CTNNA3: variants seen among roughly 807,000 people sequenced by gnomAD.
CTNNA3 encodes the protein catenin alpha 3, also known as catenin alpha-3.
In CTNNA3, 76 loss-of-function variants were observed where a neutral mutation model predicts 95.7. That is an observed-to-expected ratio of 0.79 (90% CI 0.66 to 0.96). The LOEUF (loss-of-function observed/expected upper bound fraction) is 0.96, where lower values mean the gene tolerates loss of function less well. Among genes scored for constraint, CTNNA3 ranks in the 40% least tolerant of loss-of-function variants. The pLI is 0.00. For synonymous variants in CTNNA3, 431 were observed against 374.4 expected (o/e 1.15, Z -1.74); for missense variants, 1,191 against 1,089.8 (o/e 1.09, Z -1.31).
At chr10:67,448,800 T>G (rs1367993722) in intron 5 of CTNNA3, among the ~76,000 whole-genome samples, 1 of 149,260 alleles carries the variant, frequency 6.7e-6, no homozygotes, top group African/African-American at 2.4e-5. Flanking sequence ...GATAAAAAAT[T>G]ACTATTTATT....
intron 7 of CTNNA3, among the ~76,000 whole-genome samples, chr10:67,123,738 A>G (rs1423043735): frequency 6.6e-6 from 1 of 152,202 alleles, no homozygotes; most frequent in Admixed American, 6.6e-5. Context: ...AAGATCTTCA[A>G]TGTCAAAGAA....
chr10:67,421,085 G>A (rs575124533), intron 5 of CTNNA3, among the ~76,000 whole-genome samples: 87 of 152,056 alleles, frequency 5.7e-4, no homozygotes, highest in Non-Finnish European at 1.1e-3. Flanking sequence ...TAAAGTCTAG[G>A]GAACAGGAAA....
intron 5 of CTNNA3, among the ~76,000 whole-genome samples, chr10:67,262,239 A>G (rs1263921924): frequency 6.6e-6 from 1 of 152,182 alleles, no homozygotes. Context: ...AGTTCCCACA[A>G]TAAATAATAA....
chr10:67,046,578 G>A (rs1338113713), intron 7 of CTNNA3, among the ~76,000 whole-genome samples: 1 of 151,994 alleles, frequency 6.6e-6, no homozygotes, highest in Non-Finnish European at 1.5e-5. Context: ...ATCAATTATT[G>A]ACATTTTATA....
At chr10:65,922,765 A>C (rs1289195457) in intron 17 of CTNNA3, among the ~76,000 whole-genome samples, 1 of 152,166 alleles carries the variant, frequency 6.6e-6, no homozygotes, top group African/African-American at 2.4e-5. Flanking sequence ...TTAAAGTTGT[A>C]TTCGTTCATT....
chr10:66,121,467 T>C (rs920304630), intron 13 of CTNNA3, among the ~76,000 whole-genome samples: 18 of 151,208 alleles, frequency 1.2e-4, no homozygotes, highest in African/African-American at 3.6e-4. Context: ...ACAACATACA[T>C]ACACACACAC....
At chr10:67,608,847 C>A (rs1843361153) in intron 2 of CTNNA3, among the ~76,000 whole-genome samples, 1 of 152,008 alleles carries the variant, frequency 6.6e-6, no homozygotes, top group Non-Finnish European at 1.5e-5. Flanking sequence ...TCCTAGCACT[C>A]TGGGAGGCCG....
intron 7 of CTNNA3, among the ~76,000 whole-genome samples, chr10:66,939,731 TG>T (rs1847896624): frequency 6.6e-6 from 1 of 152,218 alleles, no homozygotes; most frequent in Admixed American, 6.5e-5. Flanking sequence ...GATTCTTTTT[TG>T]GAACATACGT....
rs1432106753 is a variant in CTNNA3, at chr10:66,740,410, A to G, written c.1281+25854T>C. Among the ~76,000 whole-genome samples the G allele has an allele frequency of 6.6e-5, 10 of 152,202 alleles. No homozygotes were observed. In the East Asian group the frequency reaches 1.7e-3, roughly 26 times the overall value. ...AAGATTTTATGTTTCAACTCCACAGACAGACATTTTCAGACTACCTTTATG... is the reference window on the plus strand; with the variant it reads ...AAGATTTTATGTTTCAACTCCACAGGCAGACATTTTCAGACTACCTTTATG... On this transcript the variant is annotated intron_variant, in intron 9 of 17. Transcript: ENST00000433211.
At chr10:66,620,950 T>A (rs1844723877) in intron 10 of CTNNA3, among the ~76,000 whole-genome samples, 1 of 152,148 alleles carries the variant, frequency 6.6e-6, no homozygotes, top group South Asian at 2.1e-4. Context: ...CCGTATTATA[T>A]CCTGCTTCTT....
intron 9 of CTNNA3, among the ~76,000 whole-genome samples, chr10:66,706,923 A>G (rs907592706): frequency 1.3e-5 from 2 of 152,108 alleles, no homozygotes; most frequent in African/African-American, 2.4e-5. Context: ...GACTGAAAAT[A>G]CAAAAACATT....
chr10:66,318,698 C>T (rs2092137897), intron 12 of CTNNA3, among the ~76,000 whole-genome samples: 1 of 152,094 alleles, frequency 6.6e-6, no homozygotes, highest in South Asian at 2.1e-4. Context: ...AAACTGATCT[C>T]ACCCTCTCTG....
intron 7 of CTNNA3, among the ~76,000 whole-genome samples, chr10:66,862,551 T>A (rs1171867094): frequency 6.6e-6 from 1 of 152,064 alleles, no homozygotes; most frequent in Admixed American, 6.6e-5. Flanking sequence ...AAGGTCATTA[T>A]CAAAGAGAAG....
intron 9 of CTNNA3, among the ~76,000 whole-genome samples, chr10:66,639,345 T>C (rs1355464483): frequency 2.6e-5 from 4 of 152,206 alleles, no homozygotes; most frequent in Non-Finnish European, 5.9e-5. Context: ...GTGGGTCCAA[T>C]AAAGTATTCG....
rs113341925 is a variant in CTNNA3, at chr10:66,274,612, T to C, written c.1884+5858A>G. On this transcript the variant is annotated intron_variant, in intron 13 of 17. Coordinates refer to ENST00000433211, the MANE Select transcript of CTNNA3 (RefSeq NM_013266.4). ...ATTTGTAATTTGGTATGATTTTATC[T>C]ATTTAAAATTAGCTATTTTCTGAGG... 2.4e-3 allele frequency among the ~76,000 whole-genome samples: 369 copies of C among 152,326 alleles called. 2 individuals carry two copies. Among genetic ancestry groups the C allele is most frequent in the African/African-American group, 8.5e-3 (355 of 41,596 alleles).
chr10:66,631,700 T>C (rs1189228476), intron 9 of CTNNA3, among the ~76,000 whole-genome samples: 1 of 152,076 alleles, frequency 6.6e-6, no homozygotes, highest in African/African-American at 2.4e-5. Context: ...AGATAAGCAT[T>C]CCCACTATAA....
chr10:66,318,656 A>T (rs551978896), intron 12 of CTNNA3, among the ~76,000 whole-genome samples: 4 of 152,030 alleles, frequency 2.6e-5, no homozygotes, highest in African/African-American at 9.6e-5. Flanking sequence ...TAGATTAACC[A>T]CCTCTTCTAA....
At chr10:65,994,780 T>C (rs985793158) in intron 15 of CTNNA3, among the ~76,000 whole-genome samples, 1 of 152,158 alleles carries the variant, frequency 6.6e-6, no homozygotes, top group Non-Finnish European at 1.5e-5. Flanking sequence ...TTCTGGACTA[T>C]CCAGAATTTG....
chr10:66,420,841 A>ATAAATT (rs1324728982), intron 11 of CTNNA3, among the ~76,000 whole-genome samples: 1 of 147,620 alleles, frequency 6.8e-6, no homozygotes. Flanking sequence ...AAATAAATAA[A>ATAAATT]AAACAATATG....
Sources: gnomAD v4.1 joint callset for allele counts (sites outside exome capture counted in the v4.1 genomes callset) on GRCh38, gnomAD v4.1.1 for gene constraint, MANE v1.5 for transcripts, NCBI Gene and HGNC (gene_info 2026-07-23, HGNC 2026-07-21) for gene names.